LCLAT1: variants seen among roughly 807,000 people sequenced by gnomAD.
LCLAT1 encodes lysocardiolipin acyltransferase 1, also known as 1-AGP acyltransferase 8.
In LCLAT1, 11 loss-of-function variants were observed where a neutral mutation model predicts 30.7. That is an observed-to-expected ratio of 0.36 (90% confidence interval 0.23 to 0.59). The LOEUF is 0.59. Ranked by LOEUF, LCLAT1 falls within the 20% of genes least tolerant of loss-of-function variation. LCLAT1 has a pLI of 0.77. For synonymous variants in LCLAT1, 155 were observed against 151.3 expected, an observed-to-expected ratio of 1.02 and a Z score of -0.18; for missense variants, 402 against 458.6, an observed-to-expected ratio of 0.88 and a Z score of 1.13.
At chr2:30,627,958 A>G (rs779055234) in intron 5 of LCLAT1, among the ~76,000 whole-genome samples, 23 of 152,210 alleles carry the variant, frequency 1.5e-4, no homozygotes, top group African/African-American at 4.3e-4. Context: ...TGAAAGCAAT[A>G]AAACTACCAA....
At chr2:30,524,639 G>A (rs576618847) in intron 1 of LCLAT1, among the ~76,000 whole-genome samples, 74 of 152,302 alleles carry the variant, frequency 4.9e-4, no homozygotes, top group African/African-American at 1.7e-3. Context: ...CCAGTGCATT[G>A]ATACAATATA....
At chr2:30,539,340 A>G (rs1289057169) in intron 3 of LCLAT1, among the ~76,000 whole-genome samples, 1 of 145,076 alleles carries the variant, frequency 6.9e-6, no homozygotes, top group African/African-American at 2.5e-5. Context: ...GCAATCTTGA[A>G]CTGGGCTCAA....
intron 2 of LCLAT1, among the ~76,000 whole-genome samples, chr2:30,530,273 C>A (rs1685921283): frequency 6.6e-6 from 1 of 152,022 alleles, no homozygotes; most frequent in African/African-American, 2.4e-5. Context: ...GTCTTTTTTC[C>A]CAGTCTTTTA....
At chr2:30,468,002 G>T (rs1429151518) in intron 1 of LCLAT1, among the ~76,000 whole-genome samples, 3 of 152,198 alleles carry the variant, frequency 2.0e-5, no homozygotes, top group African/African-American at 4.8e-5. Context: ...TTTTAGACAT[G>T]AAGTCCTTGC....
At position 30,497,612 on chromosome 2, in the gene LCLAT1, A is replaced by G. The variant is rs371335129; in HGVS notation, c.-4-27975A>G. On this transcript the variant is annotated intron_variant, in intron 1 of 5. Transcript: ENST00000379509. ...CTTTTGGACTTAATGCTTTTGCTTA[A>G]GTTTAGTGACTAGATTTCTCATTGT... Among the ~76,000 whole-genome samples, 3 of 152,290 alleles carry G rather than the reference A, an allele frequency of 2.0e-5. No individual in the cohort carries two copies. The South Asian group carries it at 6.2e-4, about 32-fold the overall frequency.
At chr2:30,496,584 T>C (rs1417794120) in intron 1 of LCLAT1, among the ~76,000 whole-genome samples, 3 of 152,178 alleles carry the variant, frequency 2.0e-5, no homozygotes, top group Non-Finnish European at 4.4e-5. Context: ...CCTTTTCTTA[T>C]AGGTTGCCAG....
intron 3 of LCLAT1, among the ~76,000 whole-genome samples, chr2:30,552,075 G>A (rs917356749): frequency 4.6e-5 from 7 of 152,176 alleles, no homozygotes; most frequent in African/African-American, 1.7e-4. Context: ...TATGTTAATT[G>A]CTACTGGGAT....
chr2:30,468,329 T>C (rs984056548), intron 1 of LCLAT1, among the ~76,000 whole-genome samples: 1 of 152,238 alleles, frequency 6.6e-6, no homozygotes, highest in African/African-American at 2.4e-5. Flanking sequence ...ACCAGTACCA[T>C]GCTGTTTTGG....
intron 5 of LCLAT1, among the ~76,000 whole-genome samples, chr2:30,635,102 T>C (rs1668959361): frequency 6.6e-6 from 1 of 152,156 alleles, no homozygotes; most frequent in Admixed American, 6.5e-5. Flanking sequence ...TATAAAGCTT[T>C]AAAGTTATCA....
intron 3 of LCLAT1, among the ~76,000 whole-genome samples, chr2:30,545,189 G>A (rs893453326): frequency 2.0e-5 from 3 of 152,136 alleles, no homozygotes; most frequent in Admixed American, 6.5e-5. Context: ...TTGCCAGTGA[G>A]AGTTAAAAAG....
At chr2:30,499,535 A>G (rs964804517) in intron 1 of LCLAT1, among the ~76,000 whole-genome samples, 14 of 152,154 alleles carry the variant, frequency 9.2e-5, no homozygotes, top group African/African-American at 3.4e-4. Flanking sequence ...TTTTGGATAA[A>G]GAGTTTCGTG....
chr2:30,613,512 C>G (rs1030081448), intron 5 of LCLAT1, among the ~76,000 whole-genome samples: 4 of 150,936 alleles, frequency 2.7e-5, no homozygotes, highest in African/African-American at 4.9e-5. Flanking sequence ...GGGTGTTTCT[C>G]GTAAGGTGGG....
chr2:30,610,741 C>T (rs1667696775), intron 5 of LCLAT1, among the ~76,000 whole-genome samples: 1 of 152,112 alleles, frequency 6.6e-6, no homozygotes, highest in Non-Finnish European at 1.5e-5. Flanking sequence ...AATCAATTTT[C>T]ATTCCAGCTG....
chr2:30,516,363 T>C (rs78782547), intron 1 of LCLAT1, among the ~76,000 whole-genome samples: 9,565 of 152,236 alleles, frequency 0.063, 527 homozygotes, highest in East Asian at 0.22. Flanking sequence ...AGACCCGCCA[T>C]TGACTTTCAC....
intron 5 of LCLAT1, among the ~76,000 whole-genome samples, chr2:30,602,043 T>G (rs1416754362): frequency 6.6e-6 from 1 of 152,098 alleles, no homozygotes; most frequent in African/African-American, 2.4e-5. Context: ...CAGACTTTCC[T>G]TTTGTTAGGT....
intron 5 of LCLAT1, among the ~76,000 whole-genome samples, chr2:30,577,829 T>G (rs781558649): frequency 3.9e-5 from 6 of 152,070 alleles, no homozygotes; most frequent in Non-Finnish European, 8.8e-5. Flanking sequence ...ACCATGGCCA[T>G]TATCTCTGTT....
At chr2:30,474,245 C>A (rs1311764051) in intron 1 of LCLAT1, among the ~76,000 whole-genome samples, 1 of 152,146 alleles carries the variant, frequency 6.6e-6, no homozygotes, top group Admixed American at 6.6e-5. Context: ...TGAACCTGCT[C>A]CCTGACAGGA....
chr2:30,623,756 A>T (rs1668381973), intron 5 of LCLAT1, among the ~76,000 whole-genome samples: 1 of 152,208 alleles, frequency 6.6e-6, no homozygotes, highest in African/African-American at 2.4e-5. Flanking sequence ...CAAAAAGCTC[A>T]AAGAACACTT....
At chr2:30,460,193 A>C (rs912433454) in intron 1 of LCLAT1, among the ~76,000 whole-genome samples, 2 of 152,280 alleles carry the variant, frequency 1.3e-5, no homozygotes, top group Non-Finnish European at 2.9e-5. Flanking sequence ...ATCTGTGTGA[A>C]TAACTGACAA....
Sources: allele counts gnomAD v4.1 joint callset (sites outside exome capture counted in the v4.1 genomes callset), GRCh38; gene constraint gnomAD v4.1.1; transcripts MANE v1.5; gene names NCBI Gene and HGNC (gene_info 2026-07-23, HGNC 2026-07-21).